The following MDN1 variants were observed in gnomAD, a reference collection of about 807,000 sequenced individuals.
MDN1 encodes midasin.
MDN1 carries 266 observed loss-of-function variants against 669.2 expected under a neutral mutation model. The observed-to-expected ratio is 0.40, with a 90% CI of 0.36 to 0.44. The LOEUF (loss-of-function observed/expected upper bound fraction) is 0.44, where lower values mean the gene tolerates loss of function less well. Among genes scored for constraint, MDN1 ranks in the 20% least tolerant of loss-of-function variants. The pLI is 1.00. For missense variants in MDN1, 5,940 were observed against 6,754.0 expected, an observed-to-expected ratio of 0.88 and a Z score of 4.22; for synonymous variants, 2,385 against 2,457.1, an observed-to-expected ratio of 0.97 and a Z score of 0.87.
At chr6:89,764,199 G>C (rs910215931) in intron 15 of MDN1, among the ~76,000 whole-genome samples, 1 of 152,200 alleles carries the variant, frequency 6.6e-6, no homozygotes, top group Non-Finnish European at 1.5e-5. Context: ...CTGGGCAACA[G>C]AGCAAGAACT....
chr6:89,652,706 G>C (rs928480260), intron 94 of MDN1, among the ~76,000 whole-genome samples: 1 of 152,150 alleles, frequency 6.6e-6, no homozygotes, highest in Non-Finnish European at 1.5e-5. Flanking sequence ...ACACAAGGAT[G>C]GTTAGAAAAG....
intron 2 of MDN1, 130 bp from the exon 3 acceptor site, chr6:89,794,931 T>C: frequency 1.3e-6 from 1 of 759,248 alleles, no homozygotes; most frequent in South Asian, 1.9e-5. Flanking sequence ...GGAGTATCTA[T>C]ATTTTCATTG....
At position 89,748,710 on chromosome 6, in the gene MDN1, T is replaced by C. The variant is rs528546007; in HGVS notation, c.3762+513A>G. 2.0e-5 allele frequency among the ~76,000 whole-genome samples: 3 copies of C among 149,260 alleles called. No individual in the cohort carries two copies. In the East Asian group the frequency reaches 5.8e-4, roughly 29 times the overall value. On this transcript the variant is annotated intron_variant, in intron 26 of 101. Transcript: ENST00000369393. Reference sequence around the variant, plus strand: ...GAAAAATTTTAATGATGTAAAATTGTTGATTGATTAAAAAAAAAAACTAAA... The same window carrying C: ...GAAAAATTTTAATGATGTAAAATTGCTGATTGATTAAAAAAAAAAACTAAA...
intron 1 of MDN1, among the ~76,000 whole-genome samples, chr6:89,817,229 A>T (rs1157166635): frequency 6.6e-6 from 1 of 152,204 alleles, no homozygotes; most frequent in Non-Finnish European, 1.5e-5. Flanking sequence ...TTTTCTCAGG[A>T]TCTCCTGGGG....
intron 12 of MDN1, among the ~76,000 whole-genome samples, chr6:89,776,136 A>G (rs1215167412): frequency 6.6e-6 from 1 of 152,190 alleles, no homozygotes; most frequent in Non-Finnish European, 1.5e-5. Flanking sequence ...AACACTGAAG[A>G]CGACACAGGA....
intron 14 of MDN1, among the ~76,000 whole-genome samples, chr6:89,772,010 A>G (rs1032289337): frequency 6.6e-6 from 1 of 152,192 alleles, no homozygotes; most frequent in Non-Finnish European, 1.5e-5. Context: ...CCCAGCAATA[A>G]GGTAAATTTT....
At chr6:89,692,412 G>A in intron 63 of MDN1, 31 bp downstream of exon 63, 1 of 1,569,380 alleles carries the variant, frequency 6.4e-7, no homozygotes, top group South Asian at 1.2e-5. Flanking sequence ...GCAGGAGGAA[G>A]GGCAGGGCAG....
Position 89,727,949 on chromosome 6 carries a change from T to C in MDN1, c.5356A>G (p.Thr1786Ala), listed in dbSNP as rs1047383013. 2 of 1,608,044 alleles carry C rather than the reference T, an allele frequency of 1.2e-6. No individual in the cohort carries two copies. The highest frequency in any genetic ancestry group is 1.3e-5 in the African/African-American group (1 of 74,650). The part of the protein sequence containing the change: ...RINLSEQTDI[T>A]DLFGADLPVE... ...GGTAGATCTGCTCCAAACAGGTCTG[T>C]GATGTCCTTTGAAAGGGGAAGAAAT... Residue 1786 changes from threonine to alanine, a missense_variant, in exon 37 of 102, where the codon ACA (threonine) becomes GCA (alanine). Coordinates refer to ENST00000369393, the MANE Select transcript of MDN1 (RefSeq NM_014611.3).
intron 74 of MDN1, among the ~76,000 whole-genome samples, chr6:89,679,587 A>G (rs1040795201): frequency 6.6e-6 from 1 of 152,220 alleles, no homozygotes; most frequent in Non-Finnish European, 1.5e-5. Flanking sequence ...AGAAGAGATC[A>G]GGACACAGAA....
chr6:89,816,319 G>A (rs1229785375), intron 1 of MDN1, among the ~76,000 whole-genome samples: 1 of 152,112 alleles, frequency 6.6e-6, no homozygotes, highest in Non-Finnish European at 1.5e-5. Flanking sequence ...AGAACTGCTT[G>A]AACCCAGGGG....
At position 89,723,538 on chromosome 6, in the gene MDN1, TAAC is replaced by T. The variant is rs1251854132; in HGVS notation, c.5749_5751del (p.Val1917del). 4 of 1,589,384 alleles carry T rather than the reference TAAC, an allele frequency of 2.5e-6. No individual in the cohort carries two copies. The highest frequency in any genetic ancestry group is 1.7e-5 in the Admixed American group (1 of 58,688). Reference sequence around the variant, plus strand: ...TGGTTATTGAAAGCAACCATTTTCTTAACAATATTTTTCTCAATGGCTGGAAAC... The same window carrying T: ...TGGTTATTGAAAGCAACCATTTTCTTAATATTTTTCTCAATGGCTGGAAAC... On this transcript the variant is annotated inframe_deletion, in exon 39 of 102. Coordinates refer to ENST00000369393, the MANE Select transcript of MDN1 (RefSeq NM_014611.3).
rs34925343 is a variant in MDN1 at position 89,673,933 on chromosome 6, AC to A, written c.13247+170del. Among the ~76,000 whole-genome samples, 10 of 151,662 alleles carry A rather than the reference AC, an allele frequency of 6.6e-5. 1 individual carries two copies. The South Asian group carries it at 1.9e-3, about 29-fold the overall frequency. On this transcript the variant is annotated intron_variant, in intron 79 of 101. Coordinates refer to ENST00000369393, the MANE Select transcript of MDN1 (RefSeq NM_014611.3). ...TGAAGTCTCAGAACCTGCAGATGAC[AC>A]CCCCTATCCCCACCCCACCCCATCC...
chr6:89,685,154 T>C (rs1481586940), intron 70 of MDN1, among the ~76,000 whole-genome samples, 169 bp from the exon 71 acceptor site: 2 of 152,100 alleles, frequency 1.3e-5, no homozygotes, highest in African/African-American at 4.8e-5. Context: ...GAGTTTAGCA[T>C]TTCCCAGAGA....
intron 59 of MDN1, 85 bp from the exon 60 acceptor site, chr6:89,696,659 C>T: frequency 9.8e-7 from 1 of 1,020,970 alleles, no homozygotes; most frequent in South Asian, 1.4e-5. Context: ...AGGAAAGAAA[C>T]AGACAGTTCA....
At position 89,671,305 on chromosome 6, in the gene MDN1, C is replaced by T. The variant is rs531343346; in HGVS notation, c.13795-225G>A. Among the ~76,000 whole-genome samples the T allele has an allele frequency of 1.2e-4, 18 of 152,260 alleles. No individual in the cohort carries two copies. In the South Asian group the frequency reaches 1.7e-3, roughly 14 times the overall value. ...TCGTCACAAAAGTACAATCTCAAACCGATGTCTCCTTTGGCTAACAATGTT... is the reference window on the plus strand; with the variant it reads ...TCGTCACAAAAGTACAATCTCAAACTGATGTCTCCTTTGGCTAACAATGTT... On this transcript the variant is annotated intron_variant, in intron 82 of 101. Transcript: ENST00000369393.
chr6:89,690,923 GA>G (rs1346335266), intron 63 of MDN1, 89 bp from the exon 64 acceptor site: 1 of 1,434,386 alleles, frequency 7.0e-7, no homozygotes, highest in Non-Finnish European at 9.5e-7. Flanking sequence ...TCATGAAAAT[GA>G]AAGTATCATG....
rs1215075679 is a variant in MDN1 at position 89,644,207 on chromosome 6, A to T, written c.16603-14T>A. 2.5e-6 allele frequency: 4 copies of T among 1,593,928 alleles called. No homozygotes were observed. In the South Asian group the frequency reaches 4.5e-5, roughly 18 times the overall value. On this transcript the variant is annotated splice_polypyrimidine_tract_variant and intron_variant, in intron 101 of 101. Transcript: ENST00000369393. ...CAAGATAGAATCCTGTCAACAAAAG[A>T]CATTTTGAAATGGGGAGGCAGCGAT...
At chr6:89,651,324 C>CAAAA (rs57142164) in intron 95 of MDN1, among the ~76,000 whole-genome samples, 8 of 94,624 alleles carry the variant, frequency 8.5e-5, no homozygotes, top group Non-Finnish European at 1.2e-4. Flanking sequence ...GATTCCGTCT[C>CAAAA]AAAAAAAAAA....
chr6:89,654,788 TCTTGA>T (rs1809130584), intron 92 of MDN1, among the ~76,000 whole-genome samples: 2 of 152,224 alleles, frequency 1.3e-5, no homozygotes, highest in Admixed American at 1.3e-4. Context: ...AAGCTAATTA[TCTTGA>T]CTTGATCATT....
Sources: allele counts gnomAD v4.1 joint callset (sites outside exome capture counted in the v4.1 genomes callset), GRCh38; gene constraint gnomAD v4.1.1; transcripts MANE v1.5; gene names NCBI Gene and HGNC (gene_info 2026-07-23, HGNC 2026-07-21).